LIPI: variants seen among roughly 807,000 people sequenced by gnomAD.
The protein encoded by LIPI is lipase member I.
Under a neutral mutation model 50.6 loss-of-function variants are expected in LIPI, and 59 were observed. The observed-to-expected ratio is 1.16, with a 90% CI of 0.94 to 1.45. The LOEUF (loss-of-function observed/expected upper bound fraction) is 1.45. Ranked by LOEUF, LIPI falls within the 40% of genes most tolerant of loss-of-function variation. The probability of loss-of-function intolerance (pLI) is 0.00; values close to 1 mark genes in which losing one functional copy is unlikely to be tolerated. For synonymous variants in LIPI, 203 were observed against 178.2 expected, an observed-to-expected ratio of 1.14 and a Z score of -1.11; for missense variants, 586 against 536.3, an observed-to-expected ratio of 1.09 and a Z score of -0.92.
rs138995996 is a variant in LIPI at position 14,187,973 on chromosome 21, G to A, written c.432+1061C>T. Reference sequence around the variant, plus strand: ...CTGACCCCTGGCCACTACATATAACGGCTTCTTGGAAGTGTTGTTATTTGT... The same window carrying A: ...CTGACCCCTGGCCACTACATATAACAGCTTCTTGGAAGTGTTGTTATTTGT... On this transcript the variant is annotated intron_variant, in intron 2 of 9. Transcript: ENST00000681601. 7.8e-3 allele frequency among the ~76,000 whole-genome samples: 1,191 copies of A among 152,174 alleles called. 12 individuals are homozygous for A. Among genetic ancestry groups the A allele is most frequent in the African/African-American group, 0.018 (746 of 41,520 alleles).
intron 8 of LIPI, among the ~76,000 whole-genome samples, chr21:14,149,633 G>A (rs2018019355): frequency 6.6e-6 from 1 of 152,140 alleles, no homozygotes; most frequent in Non-Finnish European, 1.5e-5. Flanking sequence ...GATACAATGG[G>A]GGTACAAGCA....
intron 7 of LIPI, among the ~76,000 whole-genome samples, chr21:14,162,950 T>C (rs1568859509): frequency 1.3e-5 from 2 of 151,744 alleles, no homozygotes. Flanking sequence ...TTATTTATTA[T>C]ATTTCTATGA....
chr21:14,132,326 C>T (rs2017327631), intron 9 of LIPI, among the ~76,000 whole-genome samples: 1 of 152,118 alleles, frequency 6.6e-6, no homozygotes, highest in Admixed American at 6.5e-5. Context: ...TGTATCTAGT[C>T]ACCTATAAAG....
chr21:14,186,535 T>C (rs2019463012), intron 2 of LIPI, among the ~76,000 whole-genome samples: 2 of 152,188 alleles, frequency 1.3e-5, no homozygotes. Flanking sequence ...CCAATTTTAT[T>C]AAGGAAACTG....
At chr21:14,154,271 G>C (rs2018199567) in intron 7 of LIPI, among the ~76,000 whole-genome samples, 1 of 152,004 alleles carries the variant, frequency 6.6e-6, no homozygotes, top group Non-Finnish European at 1.5e-5. Flanking sequence ...CTGAAAACAA[G>C]AGAAGTCGTA....
intron 4 of LIPI, among the ~76,000 whole-genome samples, chr21:14,174,157 A>G (rs2019013904): frequency 6.6e-6 from 1 of 152,132 alleles, no homozygotes; most frequent in African/African-American, 2.4e-5. Context: ...ACTGCTTAGG[A>G]ATCAGGAGGG....
chr21:14,168,506 A>C (rs2018773859), intron 4 of LIPI, among the ~76,000 whole-genome samples: 1 of 152,232 alleles, frequency 6.6e-6, no homozygotes, highest in Non-Finnish European at 1.5e-5. Flanking sequence ...TCAGACTAAC[A>C]GCGGATCTCT....
intron 8 of LIPI, among the ~76,000 whole-genome samples, chr21:14,146,770 C>CTTTTTTT (rs1308738575): frequency 4.0e-4 from 26 of 64,866 alleles, no homozygotes; most frequent in African/African-American, 7.9e-4. Flanking sequence ...TTCCCAGTCT[C>CTTTTTTT]TATTTTTTTT....
chr21:14,139,356 A>T (rs1418982866), intron 9 of LIPI, among the ~76,000 whole-genome samples: 1 of 152,104 alleles, frequency 6.6e-6, no homozygotes, highest in Non-Finnish European at 1.5e-5. Context: ...TTGGGAAGAG[A>T]TATATTATGT....
At chr21:14,182,994 C>CA (rs1026610790) in intron 3 of LIPI, among the ~76,000 whole-genome samples, 4 of 151,940 alleles carry the variant, frequency 2.6e-5, no homozygotes, top group African/African-American at 9.7e-5. Flanking sequence ...CATATGGAAC[C>CA]AAAAAAGAGC....
At chr21:14,162,745 G>T (rs2018539080) in intron 7 of LIPI, among the ~76,000 whole-genome samples, 2 of 151,792 alleles carry the variant, frequency 1.3e-5, no homozygotes, top group Non-Finnish European at 2.9e-5. Context: ...CATTAAAAAT[G>T]ACTGACCTAA....
intron 3 of LIPI, among the ~76,000 whole-genome samples, chr21:14,183,169 T>C (rs1209079669): frequency 3.9e-4 from 60 of 152,264 alleles, no homozygotes; most frequent in Non-Finnish European, 8.1e-4. Flanking sequence ...GAAATAATGC[T>C]GCATATCTAC....
intron 9 of LIPI, among the ~76,000 whole-genome samples, chr21:14,111,427 T>G (rs1320898111): frequency 6.6e-6 from 1 of 152,104 alleles, no homozygotes; most frequent in Admixed American, 6.6e-5. Context: ...GCCCAATTTT[T>G]AATTAGGTTA....
intron 9 of LIPI, among the ~76,000 whole-genome samples, chr21:14,141,707 G>A (rs997117573): frequency 1.3e-5 from 2 of 152,140 alleles, no homozygotes; most frequent in Admixed American, 6.5e-5. Flanking sequence ...ATTTGCCCAT[G>A]TACACAGAGG....
At position 14,152,593 on chromosome 21, in the gene LIPI, A is replaced by C; in HGVS notation, c.1098T>G (p.Ile366Met). 6.4e-7 allele frequency: 1 copy of C among 1,573,744 alleles called. No individual in the cohort carries two copies. The highest frequency in any genetic ancestry group is 8.7e-7 in the Non-Finnish European group (1 of 1,145,160). The part of the protein sequence containing the change: ...SFKLLNQLGM[I>M]EEPRLYEKNK... ...CTTACTCATAAAGCCTTGGCTCTTC[A>C]ATCATTCCAAGCTGATTTAATAATT... Residue 366 changes from isoleucine to methionine, a missense_variant, in exon 8 of 10, where the codon ATT becomes ATG. Physicochemically the swap from Ile to Met is conservative, Grantham distance 10. Transcript: ENST00000681601.
intron 1 of LIPI, among the ~76,000 whole-genome samples, chr21:14,196,403 C>T (rs1286294489): frequency 6.6e-6 from 1 of 152,046 alleles, no homozygotes; most frequent in South Asian, 2.1e-4. Context: ...TGGGTTATAT[C>T]GAACCAGAGG....
intron 4 of LIPI, 50 bp downstream of exon 4, chr21:14,181,708 A>C (rs2019275432): frequency 8.7e-7 from 1 of 1,144,074 alleles, no homozygotes; most frequent in Non-Finnish European, 1.3e-6. Flanking sequence ...CAAGGTCTAC[A>C]TTTTCCTTTT....
chr21:14,134,415 G>A (rs2017415830), intron 9 of LIPI, among the ~76,000 whole-genome samples: 1 of 151,932 alleles, frequency 6.6e-6, no homozygotes, highest in East Asian at 1.9e-4. Flanking sequence ...GATTACCAAA[G>A]TCATTTTTAT....
intron 7 of LIPI, among the ~76,000 whole-genome samples, chr21:14,155,597 C>A (rs1000542734): frequency 2.6e-5 from 4 of 151,964 alleles, no homozygotes; most frequent in African/African-American, 7.2e-5. Flanking sequence ...GCATTACCTA[C>A]AGGAGAACAC....
Sources: gnomAD v4.1 joint callset for allele counts (sites outside exome capture counted in the v4.1 genomes callset) on GRCh38, gnomAD v4.1.1 for gene constraint, MANE v1.5 for transcripts, NCBI Gene and HGNC (gene_info 2026-07-23, HGNC 2026-07-21) for gene names.